The following FAF1 variants were observed in gnomAD, a reference collection of about 807,000 sequenced individuals.
The protein encoded by FAF1 is FAS-associated factor 1.
FAF1 carries 25 observed loss-of-function variants against 92.5 expected under a neutral mutation model. That is an observed-to-expected ratio of 0.27 (90% CI 0.20 to 0.38). The LOEUF (loss-of-function observed/expected upper bound fraction) is 0.38. Ranked by LOEUF, FAF1 falls within the 10% of genes least tolerant of loss-of-function variation. The probability of loss-of-function intolerance (pLI) is 1.00; values close to 1 mark genes in which losing one functional copy is unlikely to be tolerated. For missense variants in FAF1, 636 were observed against 793.3 expected (o/e 0.80, Z 2.38); for synonymous variants, 234 against 273.2 (o/e 0.86, Z 1.42).
At chr1:50,936,586 C>T (rs1339146240) in intron 1 of FAF1, among the ~76,000 whole-genome samples, 1 of 152,176 alleles carries the variant, frequency 6.6e-6, no homozygotes, top group African/African-American at 2.4e-5. Flanking sequence ...GCTTTGTTAG[C>T]CTGCCAGTGA....
At chr1:50,461,120 A>G (rs1156407002) in intron 18 of FAF1, among the ~76,000 whole-genome samples, 1 of 152,212 alleles carries the variant, frequency 6.6e-6, no homozygotes, top group Non-Finnish European at 1.5e-5. Flanking sequence ...ACATTATACA[A>G]TATAACTACT....
At chr1:50,708,961 A>G (rs1422050519) in intron 6 of FAF1, among the ~76,000 whole-genome samples, 1 of 152,216 alleles carries the variant, frequency 6.6e-6, no homozygotes, top group African/African-American at 2.4e-5. Context: ...TCTACTGGGA[A>G]ATGAGGCTCA....
At chr1:50,915,720 GA>G (rs918392097) in intron 1 of FAF1, among the ~76,000 whole-genome samples, 2 of 151,576 alleles carry the variant, frequency 1.3e-5, no homozygotes, top group African/African-American at 4.8e-5. Flanking sequence ...CTTCTTACGA[GA>G]AAAAAGGTAT....
intron 15 of FAF1, 46 bp downstream of exon 15, chr1:50,535,323 T>C: frequency 8.2e-7 from 1 of 1,221,150 alleles, no homozygotes; most frequent in Non-Finnish European, 1.2e-6. Flanking sequence ...ATTAAAATCC[T>C]ATTAAAATCT....
At chr1:50,677,895 C>CAAA (rs1036524797) in intron 7 of FAF1, among the ~76,000 whole-genome samples, 731 of 62,406 alleles carry the variant, frequency 0.012, 10 homozygotes, top group African/African-American at 0.037. Flanking sequence ...AACTCTGCCT[C>CAAA]AAAAAAAAAA....
intron 1 of FAF1, among the ~76,000 whole-genome samples, chr1:50,943,499 A>G (rs531639122): frequency 6.6e-6 from 1 of 152,312 alleles, no homozygotes; most frequent in South Asian, 2.1e-4. Flanking sequence ...ATCATCCATA[A>G]TAACTCTTGT....
At chr1:50,926,011 T>C (rs1282290733) in intron 1 of FAF1, among the ~76,000 whole-genome samples, 1 of 151,948 alleles carries the variant, frequency 6.6e-6, no homozygotes, top group Non-Finnish European at 1.5e-5. Context: ...AGGCCAGGAG[T>C]TGAAGACCAG....
chr1:50,714,964 T>C (rs1658110317), intron 6 of FAF1: 1 of 402,626 alleles, frequency 2.5e-6, no homozygotes, highest in African/African-American at 2.1e-5. Context: ...TGTATTTCTT[T>C]AGGTTTCAAA....
At chr1:50,694,899 T>C (rs1034132244) in intron 7 of FAF1, among the ~76,000 whole-genome samples, 3 of 150,904 alleles carry the variant, frequency 2.0e-5, no homozygotes, top group African/African-American at 7.3e-5. Flanking sequence ...CAGGTGGAGG[T>C]TGCAGGGAGC....
At chr1:50,778,455 C>T (rs1390784930) in intron 4 of FAF1, among the ~76,000 whole-genome samples, 2 of 151,830 alleles carry the variant, frequency 1.3e-5, no homozygotes, top group Non-Finnish European at 2.9e-5. Flanking sequence ...TTTTGACTCT[C>T]CAAAAACTTA....
At chr1:50,900,497 AGAGCATAGGCTTTG>A (rs1240713957) in intron 1 of FAF1, among the ~76,000 whole-genome samples, 1 of 152,164 alleles carries the variant, frequency 6.6e-6, no homozygotes, top group Admixed American at 6.5e-5. Flanking sequence ...GACCGAGCAA[AGAGCATAGGCTTTG>A]GAGTCAGACC....
intron 9 of FAF1, 63 bp from the exon 10 acceptor site, chr1:50,584,874 G>A (rs1277117094): frequency 1.4e-6 from 2 of 1,446,244 alleles, no homozygotes; most frequent in African/African-American, 2.8e-5. Flanking sequence ...CTAAGAATAA[G>A]TTATAATAAT....
At chr1:50,891,389 C>T (rs1159392487) in intron 1 of FAF1, among the ~76,000 whole-genome samples, 2 of 152,154 alleles carry the variant, frequency 1.3e-5, no homozygotes, top group Non-Finnish European at 2.9e-5. Flanking sequence ...CAGCTTTGTT[C>T]CGTTGCTGGT....
At chr1:50,606,287 C>A (rs920630588) in intron 8 of FAF1, among the ~76,000 whole-genome samples, 2 of 152,044 alleles carry the variant, frequency 1.3e-5, no homozygotes, top group South Asian at 2.1e-4. Flanking sequence ...AAACATATAA[C>A]AACCAAATAT....
At chr1:50,855,878 T>A (rs561931242) in intron 2 of FAF1, among the ~76,000 whole-genome samples, 8 of 151,950 alleles carry the variant, frequency 5.3e-5, no homozygotes, top group Non-Finnish European at 7.4e-5. Context: ...CAGTGTATGA[T>A]TGCATTTCTG....
chr1:50,463,955 T>C (rs1257013850), intron 18 of FAF1, among the ~76,000 whole-genome samples: 1 of 152,118 alleles, frequency 6.6e-6, no homozygotes, highest in East Asian at 1.9e-4. Context: ...AAAAAAGTAA[T>C]GTTGAGAGAA....
Position 50,485,682 on chromosome 1 carries a change from A to AC in FAF1, c.1653+4905_1653+4906insG, listed in dbSNP as rs202015233. On this transcript the variant is annotated intron_variant, in intron 17 of 18. Coordinates refer to ENST00000396153, the MANE Select transcript of FAF1 (RefSeq NM_007051.3). ...GAGACTGTCTCAAAAAAAAAAAAAAAAAAAAAAAAAAAAACCAAAAAAACA... is the reference window on the plus strand; with the variant it reads ...GAGACTGTCTCAAAAAAAAAAAAAAACAAAAAAAAAAAAAACCAAAAAAACA... Among the ~76,000 whole-genome samples, 1,296 of 149,050 alleles carry AC rather than the reference A, an allele frequency of 8.7e-3. 30 individuals are homozygous for AC. The highest frequency in any genetic ancestry group is 0.013 in the Non-Finnish European group (863 of 67,046).
At chr1:50,694,463 A>G (rs932928063) in intron 7 of FAF1, among the ~76,000 whole-genome samples, 19 of 151,732 alleles carry the variant, frequency 1.3e-4, no homozygotes, top group Admixed American at 1.2e-3. Context: ...TAATTATCTC[A>G]CTTATAATTA....
At chr1:50,511,325 C>T (rs1472579546) in intron 15 of FAF1, among the ~76,000 whole-genome samples, 2 of 151,980 alleles carry the variant, frequency 1.3e-5, no homozygotes, top group Non-Finnish European at 2.9e-5. Flanking sequence ...ATACACATGC[C>T]ATTGTGGGTT....
Sources: allele counts gnomAD v4.1 joint callset (sites outside exome capture counted in the v4.1 genomes callset), GRCh38; gene constraint gnomAD v4.1.1; transcripts MANE v1.5; gene names NCBI Gene and HGNC (gene_info 2026-07-23, HGNC 2026-07-21).